CD40: variants seen among roughly 807,000 people sequenced by gnomAD.
CD40 encodes tumor necrosis factor receptor superfamily member 5.
In CD40, 19 loss-of-function variants were observed where a neutral mutation model predicts 38.5. The observed-to-expected ratio is 0.49, with a 90% CI of 0.34 to 0.72. The LOEUF (loss-of-function observed/expected upper bound fraction) is 0.72, where lower values mean the gene tolerates loss of function less well. Among genes scored for constraint, CD40 ranks in the 30% least tolerant of loss-of-function variants. The pLI is 0.01. For synonymous variants in CD40, 130 were observed against 128.7 expected (o/e 1.01, Z -0.07); for missense variants, 256 against 344.1 (o/e 0.74, Z 2.03).
chr20:46,128,301 A>AT lies in CD40; in HGVS notation c.647-28dup, dbSNP rs1442393331. On this transcript the variant is annotated intron_variant, in intron 7 of 8. Transcript: ENST00000372285. ...TCTTATCTGGCCTCTCCAACTCCCC[A>AT]TCCTTTTTTTTTTTTTTTTTTTTTT... The AT allele has an allele frequency of 1.2e-5, 17 of 1,465,218 alleles. No homozygotes were observed. The African/African-American group carries it at 2.0e-4, about 17-fold the overall frequency. 90.8% of individuals were successfully genotyped at this position (1,465,218 alleles called of 1,614,324 possible).
Position 46,122,555 on chromosome 20 carries a change from G to T in CD40, c.257-55G>T. Reference sequence around the variant, plus strand: ...AAGAGCAGGCAATGTGGGGAGTGAGGCTCAGAGCATGGCCCAGCAGGGGGT... The same window carrying T: ...AAGAGCAGGCAATGTGGGGAGTGAGTCTCAGAGCATGGCCCAGCAGGGGGT... On this transcript the variant is annotated intron_variant, in intron 3 of 8. Transcript: ENST00000372285. The surrounding 1 kb of genome is among the most constrained non-coding windows in gnomAD (Gnocchi z 5.0). 1 of 1,612,152 alleles carries T rather than the reference G, an allele frequency of 6.2e-7. No homozygotes were observed. Among genetic ancestry groups the T allele is most frequent in the Non-Finnish European group, 8.5e-7 (1 of 1,178,340 alleles).
At position 46,123,216 on chromosome 20, in the gene CD40, C is replaced by A; in HGVS notation, c.494C>A (p.Thr165Lys). The A allele has an allele frequency of 1.2e-6, 2 of 1,612,334 alleles. No individual in the cohort carries two copies. The highest frequency in any genetic ancestry group is 1.7e-6 in the Non-Finnish European group (2 of 1,178,290). Reference protein sequence around the residue: ...SSAFEKCHPWTSCETKDLVVQ... With the variant: ...SSAFEKCHPWKSCETKDLVVQ... ...GCTTTCGAAAAATGTCACCCTTGGA[C>A]AAGGTATAAGCACTCATCCCTTGTG... The change falls in exon 5 of 9, where the codon ACA becomes AAA. Residue 165 changes from threonine (T) to lysine (K), a missense_variant. Coordinates refer to ENST00000372285, the MANE Select transcript of CD40 (RefSeq NM_001250.6).
Position 46,122,384 on chromosome 20 carries a change from G to A in CD40, c.256+26G>A, listed in dbSNP as rs369889788. ...GTGCGTGCGCTGTTGGGAAAGGGAC[G>A]CTTGGGAACCGGGCTGATATTCCCG... On this transcript the variant is annotated intron_variant, in intron 3 of 8. Coordinates refer to ENST00000372285, the MANE Select transcript of CD40 (RefSeq NM_001250.6). This position sits in a 1 kb window ranked among gnomAD's most constrained non-coding sequence, Gnocchi z 5.0. 5.0e-5 allele frequency: 81 copies of A among 1,613,964 alleles called. No homozygotes were observed. The African/African-American group carries it at 9.7e-4, about 19-fold the overall frequency.
intron 6 of CD40, chr20:46,126,943 G>A: frequency 1.7e-6 from 1 of 600,470 alleles, no homozygotes; most frequent in Non-Finnish European, 2.9e-6. Context: ...TGATTTTAGA[G>A]TGAGAAGGTT....
At chr20:46,123,742 C>T (rs1289293555) in intron 5 of CD40, among the ~76,000 whole-genome samples, 1 of 149,516 alleles carries the variant, frequency 6.7e-6, no homozygotes, top group Non-Finnish European at 1.5e-5. Flanking sequence ...GGCCTCCCTG[C>T]CTCTGTCTCT....
chr20:46,122,734 C>T lies in CD40; in HGVS notation c.381C>T (p.Pro127=), dbSNP rs763263083. Residue 127 remains proline, a synonymous_variant, in exon 4 of 9, where the codon CCC becomes CCT. Coordinates refer to ENST00000372285, the MANE Select transcript of CD40 (RefSeq NM_001250.6). The surrounding 1 kb of genome is among the most constrained non-coding windows in gnomAD (Gnocchi z 5.0). ...ESCVLHRSCS[P]GFGVKQIATG... is the part of the protein sequence containing the mutation. ...GTGTCCTGCACCGCTCATGCTCGCC[C>T]GGCTTTGGGGTCAAGCAGATTGGTA... The T allele has an allele frequency of 3.5e-5, 57 of 1,613,998 alleles. No individual in the cohort carries two copies. In the East Asian group the frequency reaches 4.7e-4, roughly 13 times the overall value.
chr20:46,126,444 T>A (rs2085437503), intron 5 of CD40, among the ~76,000 whole-genome samples, 196 bp from the exon 6 acceptor site: 1 of 152,240 alleles, frequency 6.6e-6, no homozygotes, highest in African/African-American at 2.4e-5. Flanking sequence ...TCTCTGCACT[T>A]TTAAGTTCTG....
At position 46,122,792 on chromosome 20, in the gene CD40, GA is replaced by G; in HGVS notation, c.403+37del. 6.2e-7 allele frequency: 1 copy of G among 1,613,072 alleles called. No homozygotes were observed. The highest frequency in any genetic ancestry group is 8.5e-7 in the Non-Finnish European group (1 of 1,179,182). ...CATCTGGGAATCAGTTTTGGAGGGGGACAGAGGAGCTTAGGGCCCAAGGTGA... is the reference window on the plus strand; with the variant it reads ...CATCTGGGAATCAGTTTTGGAGGGGGCAGAGGAGCTTAGGGCCCAAGGTGA... On this transcript the variant is annotated intron_variant, in intron 4 of 8. Coordinates refer to ENST00000372285, the MANE Select transcript of CD40 (RefSeq NM_001250.6). The surrounding 1 kb of genome is among the most constrained non-coding windows in gnomAD (Gnocchi z 5.0).
In CD40 at chr20:46,128,010, C is replaced by A. The variant is rs981203996; in HGVS notation, c.560-128C>A. 93 of 1,570,886 alleles carry A rather than the reference C, an allele frequency of 5.9e-5. 2 individuals carry two copies. The Admixed American group carries it at 1.5e-3, about 26-fold the overall frequency. ...GCCAGCCACATTTCCCCAAGGACCGCGGTTTGAACCTTCTGATGTAGATGA... is the reference window on the plus strand; with the variant it reads ...GCCAGCCACATTTCCCCAAGGACCGAGGTTTGAACCTTCTGATGTAGATGA... On this transcript the variant is annotated intron_variant, in intron 6 of 8. Transcript: ENST00000372285.
chr20:46,122,510 G>A lies in CD40; in HGVS notation c.257-100G>A. ...AATGATTTGATTGCCATCTCTACTT[G>A]GAAGAGGGTCTGAGGAAGAAAGAGC... On this transcript the variant is annotated intron_variant, in intron 3 of 8. Transcript: ENST00000372285. This position sits in a 1 kb window ranked among gnomAD's most constrained non-coding sequence, Gnocchi z 5.0. The A allele has an allele frequency of 6.3e-7, 1 of 1,582,454 alleles. No homozygotes were observed. Among genetic ancestry groups the A allele is most frequent in the Admixed American group, 1.7e-5 (1 of 59,932 alleles).
chr20:46,128,250 G>C (rs1204347701), intron 7 of CD40, 26 bp downstream of exon 7: 1 of 1,612,104 alleles, frequency 6.2e-7, no homozygotes, highest in African/African-American at 1.3e-5. Flanking sequence ...GGGAGGTGTT[G>C]GGGGAGGGAG....
In CD40 at chr20:46,128,329, GA is replaced by G; in HGVS notation, c.650del (p.Lys217ArgfsTer96). Reference protein sequence around the residue: ...FAILLVLVFIKKVAKKPTNKA... With the variant: ...FAILLVLVFIXKVAKKPTNKA... ...CTTTTTTTTTTTTTTTTTTTTTTTA[GA>G]AAAGGTGGCCAAGAAGCCAACCAAT... is the stretch of plus-strand genomic sequence containing the variant. On this transcript the variant is annotated frameshift_variant and splice_region_variant, in exon 8 of 9. Coordinates refer to ENST00000372285, the MANE Select transcript of CD40 (RefSeq NM_001250.6). LOFTEE classifies it low-confidence loss of function (END_TRUNC). The G allele has an allele frequency of 1.1e-6, 1 of 946,030 alleles. No individual in the cohort carries two copies. The highest frequency in any genetic ancestry group is 1.8e-5 in the South Asian group (1 of 55,486). The allele number at this position is 946,030 out of a possible 1,614,324, so 58.6% of individuals were successfully genotyped here. A position where few individuals can be genotyped will look rare whatever the true frequency, so the allele number is the denominator to read the frequency against.
intron 8 of CD40, 187 bp from the exon 9 acceptor site, chr20:46,128,695 C>T (rs772068311): frequency 5.9e-6 from 4 of 683,262 alleles, no homozygotes; most frequent in Non-Finnish European, 7.6e-6. Flanking sequence ...CTGGCTCCCA[C>T]TCTGGAAGCT....
At position 46,118,352 on chromosome 20, in the gene CD40, T is replaced by C. The variant is rs1336243656; in HGVS notation, c.9T>C (p.Arg3=). 1.9e-6 allele frequency: 3 copies of C among 1,614,030 alleles called. No individual in the cohort carries two copies. The African/African-American group carries it at 4.0e-5, about 22-fold the overall frequency. The change falls in exon 1 of 9, where the codon CGT becomes CGC. Residue 3 remains arginine (R), a synonymous_variant. Transcript: ENST00000372285. The stretch of plus-strand genomic sequence containing the variant: ...CCTGGTCTCACCTCGCTATGGTTCG[T>C]CTGCCTCTGCAGTGCGTCCTCTGGG... MV[R]LPLQCVLWGC... is the part of the protein sequence containing the mutation.
rs919989132 is a variant in CD40 at position 46,121,956 on chromosome 20, G to A, written c.130+58G>A. Reference sequence around the variant, plus strand: ...GTCCCCCTTTGCTTTGGTGGCAGACGCAGACCCCATATGTTAACTGTAAAC... The same window carrying A: ...GTCCCCCTTTGCTTTGGTGGCAGACACAGACCCCATATGTTAACTGTAAAC... On this transcript the variant is annotated intron_variant, in intron 2 of 8. Coordinates refer to ENST00000372285, the MANE Select transcript of CD40 (RefSeq NM_001250.6). 22 of 1,371,404 alleles carry A rather than the reference G, an allele frequency of 1.6e-5. No homozygotes were observed. The South Asian group carries it at 1.9e-4, about 12-fold the overall frequency. The allele number at this position is 1,371,404 out of a possible 1,614,324, so 85.0% of individuals were successfully genotyped here. A position where few individuals can be genotyped will look rare whatever the true frequency, so the allele number is the denominator to read the frequency against.
At chr20:46,126,755 G>C (rs1261443784) in intron 6 of CD40, 54 bp downstream of exon 6, 3 of 1,613,744 alleles carry the variant, frequency 1.9e-6, no homozygotes, top group South Asian at 1.1e-5. Context: ...GGAACTGAAG[G>C]GGGAGATGAG....
chr20:46,121,346 G>A (rs534532837), intron 1 of CD40, among the ~76,000 whole-genome samples: 1 of 152,200 alleles, frequency 6.6e-6, no homozygotes, highest in Non-Finnish European at 1.5e-5. Context: ...ATGATGAGGA[G>A]TTGGAGGAAG....
rs749590513 is a variant in CD40 at position 46,128,304 on chromosome 20, CT to C, written c.647-3del. 242,004 of 1,371,396 alleles carry C rather than the reference CT, an allele frequency of 0.18. 149 individuals carry two copies. The highest frequency in any genetic ancestry group is 0.19 in the Non-Finnish European group (192,871 of 1,032,860). The allele number at this position is 1,371,396 out of a possible 1,614,324, so 85.0% of individuals were successfully genotyped here. A position where few individuals can be genotyped will look rare whatever the true frequency, so the allele number is the denominator to read the frequency against. ...TATCTGGCCTCTCCAACTCCCCATCCTTTTTTTTTTTTTTTTTTTTTTTAGA... is the reference window on the plus strand; with the variant it reads ...TATCTGGCCTCTCCAACTCCCCATCCTTTTTTTTTTTTTTTTTTTTTTAGA... On this transcript the variant is annotated intron_variant, in intron 7 of 8. Coordinates refer to ENST00000372285, the MANE Select transcript of CD40 (RefSeq NM_001250.6).
chr20:46,124,751 GTTTTTTTTTTTTTTTTT>G (rs780015926), intron 5 of CD40, among the ~76,000 whole-genome samples: 6 of 73,938 alleles, frequency 8.1e-5, no homozygotes, highest in Admixed American at 2.1e-4. Flanking sequence ...CACTGGTATA[GTTTTTTTTTTTTTTTTT>G]TTTTTTTTTT....
Sources: gnomAD v4.1 joint callset for allele counts (sites outside exome capture counted in the v4.1 genomes callset) on GRCh38, gnomAD v4.1.1 for gene constraint, Gnocchi (gnomAD v3.1) non-coding constraint, MANE v1.5 for transcripts, NCBI Gene and HGNC (gene_info 2026-07-23, HGNC 2026-07-21) for gene names.